HIVEP3: variants seen among roughly 807,000 people sequenced by gnomAD.
HIVEP3 encodes transcription factor HIVEP3.
In HIVEP3, 49 loss-of-function variants were observed where a neutral mutation model predicts 152.8. The ratio of observed to expected loss-of-function variants is 0.32; its 90% confidence interval spans 0.26 to 0.41. HIVEP3 has a LOEUF of 0.41. HIVEP3 is among the 10% of genes least tolerant of loss of function. The pLI, the probability that HIVEP3 is intolerant of heterozygous loss-of-function variation, is 1.00. For missense variants in HIVEP3, 2,790 were observed against 3,103.3 expected, an observed-to-expected ratio of 0.90 and a Z score of 2.40; for synonymous variants, 1,269 against 1,289.0, an observed-to-expected ratio of 0.98 and a Z score of 0.33.
Position 41,580,653 on chromosome 1 carries a change from C to T in HIVEP3, c.4145G>A (p.Gly1382Glu). The change falls in exon 4 of 9, where the codon GGG becomes GAG. Residue 1382 changes from glycine (G) to glutamate (E), a missense_variant. Physicochemically the swap from Gly to Glu is moderately conservative, Grantham distance 98. Transcript: ENST00000372583. Reference protein sequence around the residue: ...DVHEVGPGPSGLSEEQSRAFP... With the variant: ...DVHEVGPGPSELSEEQSRAFP... ...AGCTCTGCTTTGCTCTTCACTTAAC[C>T]CAGAAGGGCCGGGCCCAACCTCATG... 1 of 1,614,000 alleles carries T rather than the reference C, an allele frequency of 6.2e-7. No individual in the cohort carries two copies. The highest frequency in any genetic ancestry group is 8.5e-7 in the Non-Finnish European group (1 of 1,179,972).
chr1:41,815,972 G>T (rs973377585), intron 1 of HIVEP3, among the ~76,000 whole-genome samples: 1 of 152,060 alleles, frequency 6.6e-6, no homozygotes, highest in African/African-American at 2.4e-5. Flanking sequence ...CCCACGTGCC[G>T]TTGATGCAAT....
intron 1 of HIVEP3, among the ~76,000 whole-genome samples, chr1:41,861,650 G>A (rs1174901091): frequency 6.6e-6 from 1 of 152,216 alleles, no homozygotes; most frequent in East Asian, 1.9e-4. Flanking sequence ...CCAGCCCTGG[G>A]AGGAGGATTT....
At chr1:41,643,694 G>A (rs1645412300) in intron 2 of HIVEP3, among the ~76,000 whole-genome samples, 1 of 152,162 alleles carries the variant, frequency 6.6e-6, no homozygotes. Flanking sequence ...CAGGGCAGAT[G>A]CTTGCCCTGG....
chr1:41,837,701 C>T (rs979977227), intron 1 of HIVEP3, among the ~76,000 whole-genome samples: 2 of 152,160 alleles, frequency 1.3e-5, no homozygotes, highest in African/African-American at 4.8e-5. Flanking sequence ...TTGTTTAATT[C>T]TATCTCCTAT....
At chr1:41,695,991 A>G (rs1304348305) in intron 2 of HIVEP3, among the ~76,000 whole-genome samples, 3 of 152,208 alleles carry the variant, frequency 2.0e-5, no homozygotes, top group Non-Finnish European at 4.4e-5. Flanking sequence ...TGTGACCTCC[A>G]GCAAATGACT....
intron 1 of HIVEP3, among the ~76,000 whole-genome samples, chr1:41,914,360 T>G (rs1488253520): frequency 1.3e-5 from 2 of 152,234 alleles, no homozygotes; most frequent in African/African-American, 4.8e-5. Context: ...TGTGATTATA[T>G]TCAATAACCT....
At chr1:41,606,289 C>T (rs1171623525) in intron 3 of HIVEP3, among the ~76,000 whole-genome samples, 1 of 151,978 alleles carries the variant, frequency 6.6e-6, no homozygotes, top group Non-Finnish European at 1.5e-5. Context: ...TAGACAGTGT[C>T]TATTCACTTC....
chr1:41,828,668 C>T (rs1642872168), intron 1 of HIVEP3, among the ~76,000 whole-genome samples: 1 of 152,198 alleles, frequency 6.6e-6, no homozygotes, highest in African/African-American at 2.4e-5. Flanking sequence ...TCTGTAAGAG[C>T]TTCATTGTAT....
chr1:41,561,420 A>C (rs1644060631), intron 5 of HIVEP3, among the ~76,000 whole-genome samples: 3 of 152,188 alleles, frequency 2.0e-5, no homozygotes, highest in Admixed American at 2.0e-4. Context: ...AAGATGGAAA[A>C]GGTAAAATGT....
intron 1 of HIVEP3, among the ~76,000 whole-genome samples, chr1:41,913,630 C>T (rs879431543): frequency 1.3e-5 from 2 of 152,176 alleles, no homozygotes; most frequent in Admixed American, 1.3e-4. Flanking sequence ...CTCCTGGGCT[C>T]AAGTGATCCT....
chr1:41,550,934 G>C (rs916523992), intron 5 of HIVEP3, among the ~76,000 whole-genome samples: 1 of 152,190 alleles, frequency 6.6e-6, no homozygotes. Context: ...TGGTGAGAGA[G>C]GGCATCCCTG....
chr1:41,581,376 G>A lies in HIVEP3; in HGVS notation c.3422C>T (p.Pro1141Leu), dbSNP rs760945892. ...TPLHEKPYLP[P>L]PVSLFSFQHL... ...CTGGAAGGAGAAAAGGGAGACTGGT[G>A]GGGGCAGGTATGGCTTCTCATGCAG... Residue 1141 changes from proline (P) to leucine (L), a missense_variant, in exon 4 of 9, where the codon CCA (proline) becomes CTA (leucine). Around this residue, in one of 9 missense-constraint regions of HIVEP3, gnomAD observed 1,078 missense variants for 1,165.3 expected, o/e 0.93. Coordinates refer to ENST00000372583, the MANE Select transcript of HIVEP3 (RefSeq NM_024503.5). This position sits in a 1 kb window ranked among gnomAD's most constrained non-coding sequence, Gnocchi z 4.5. 21 of 1,612,860 alleles carry A rather than the reference G, an allele frequency of 1.3e-5. No homozygotes were observed. In the East Asian group the frequency reaches 4.0e-4, roughly 31 times the overall value.
At chr1:41,553,556 T>C (rs1643920882) in intron 5 of HIVEP3, among the ~76,000 whole-genome samples, 1 of 152,238 alleles carries the variant, frequency 6.6e-6, no homozygotes, top group Non-Finnish European at 1.5e-5. Flanking sequence ...TATTAGCTGG[T>C]TATTTTGCCT....
chr1:41,980,223 C>T lies in HIVEP3; in HGVS notation n.119+55584G>A, dbSNP rs72951274. ...TTCCCTAGTAAGTATCTAAGAGAAA[C>T]GAAAAAATATGTCCACGTAAAGACT... is the stretch of plus-strand genomic sequence containing the variant. On this transcript the variant is annotated intron_variant and non_coding_transcript_variant, in intron 1 of 3. Coordinates refer to the HIVEP3 transcript ENST00000489103. Among the ~76,000 whole-genome samples, 822 of 152,050 alleles carry T rather than the reference C, an allele frequency of 5.4e-3. 6 individuals carry two copies. Among genetic ancestry groups the T allele is most frequent in the African/African-American group, 0.019 (794 of 41,496 alleles).
chr1:41,942,058 AAAG>A (rs1428797701), intron 1 of HIVEP3, among the ~76,000 whole-genome samples: 1 of 152,246 alleles, frequency 6.6e-6, no homozygotes, highest in East Asian at 1.9e-4. Flanking sequence ...GGACATGGAG[AAAG>A]AAGATGATTT....
chr1:41,938,968 C>T (rs775591394), intron 1 of HIVEP3, among the ~76,000 whole-genome samples: 1 of 152,154 alleles, frequency 6.6e-6, no homozygotes. Context: ...CTTCTATTTT[C>T]CTCTTCACAT....
At chr1:41,645,586 C>T (rs1201542716) in intron 2 of HIVEP3, among the ~76,000 whole-genome samples, 3 of 152,214 alleles carry the variant, frequency 2.0e-5, no homozygotes, top group Non-Finnish European at 4.4e-5. Context: ...TGTATCACCA[C>T]TGTAATTAAA....
rs7516319 is a variant in HIVEP3, at chr1:41,598,641, C to A, written c.-521-13323G>T. 6.3e-3 allele frequency among the ~76,000 whole-genome samples: 953 copies of A among 152,264 alleles called. 5 individuals are homozygous for A. Among genetic ancestry groups the A allele is most frequent in the Non-Finnish European group, 0.01 (698 of 68,022 alleles). On this transcript the variant is annotated intron_variant, in intron 3 of 8. Coordinates refer to ENST00000372583, the MANE Select transcript of HIVEP3 (RefSeq NM_024503.5). ...ACTCAGTCTGCAAGTACTACGTGGG[C>A]CTTCTCAATGCCAGGCCAGTAAGAT...
At chr1:41,803,068 T>C (rs1305161437) in intron 1 of HIVEP3, among the ~76,000 whole-genome samples, 1 of 152,204 alleles carries the variant, frequency 6.6e-6, no homozygotes, top group Admixed American at 6.5e-5. Context: ...AGGATGGGCC[T>C]AGGCTGGTGA....
Sources: allele counts gnomAD v4.1 joint callset (sites outside exome capture counted in the v4.1 genomes callset), GRCh38; gene constraint gnomAD v4.1.1; regional missense constraint gnomAD v4.1.1; non-coding constraint Gnocchi (gnomAD v3.1); transcripts MANE v1.5; gene names NCBI Gene and HGNC (gene_info 2026-07-23, HGNC 2026-07-21).